PCBP3: variants seen among roughly 807,000 people sequenced by gnomAD.
PCBP3 encodes the protein poly(rC) binding protein 3.
In PCBP3, 25 loss-of-function variants were observed where a neutral mutation model predicts 52.7. The ratio of observed to expected loss-of-function variants is 0.47; its 90% CI spans 0.35 to 0.66. The LOEUF (loss-of-function observed/expected upper bound fraction) is 0.66. Ranked by LOEUF, PCBP3 falls within the 30% of genes least tolerant of loss-of-function variation. The pLI, the probability that PCBP3 is intolerant of heterozygous loss-of-function variation, is 0.01. For synonymous variants in PCBP3, 162 were observed against 183.0 expected (o/e 0.89, Z 0.93); for missense variants, 391 against 490.3 (o/e 0.80, Z 1.91).
intron 2 of PCBP3, among the ~76,000 whole-genome samples, chr21:45,706,536 TCTCCCTCTGTATAG>T (rs1312040326): frequency 6.6e-6 from 1 of 152,034 alleles, no homozygotes; most frequent in East Asian, 1.9e-4. Context: ...TATTTCTCTC[TCTCCCTCTGTATAG>T]CTCCCTCCCC....
At chr21:45,765,985 T>C (rs1444779937) in intron 4 of PCBP3, among the ~76,000 whole-genome samples, 2 of 152,174 alleles carry the variant, frequency 1.3e-5, no homozygotes, top group Non-Finnish European at 1.5e-5. Context: ...TGGTCAGTGA[T>C]GTTGGATGTG....
intron 5 of PCBP3, among the ~76,000 whole-genome samples, chr21:45,894,348 C>T (rs971817064): frequency 2.6e-5 from 4 of 152,112 alleles, no homozygotes; most frequent in African/African-American, 9.7e-5. Context: ...CCCTGCTGTC[C>T]CTCTGATGGG....
rs2093621263 is a variant in PCBP3, at chr21:45,837,728, G to A, written c.-125-12233G>A. Among the ~76,000 whole-genome samples, 1 of 152,164 alleles carries A rather than the reference G, an allele frequency of 6.6e-6. No homozygotes were observed. Among genetic ancestry groups the A allele is most frequent in the Admixed American group, 6.5e-5 (1 of 15,282 alleles). ...CCTGTGAGGCGAGCGAGCTTCCTAG[G>A]TGGCACTGCACGTTGCACCGCATGG... On this transcript the variant is annotated intron_variant, in intron 4 of 17. Coordinates refer to ENST00000681687, the MANE Select transcript of PCBP3 (RefSeq NM_001384156.1). The surrounding 1 kb of genome is among the most constrained non-coding windows in gnomAD (Gnocchi z 4.1).
Position 45,761,076 on chromosome 21 carries a change from CA to C in PCBP3, c.-126+5639del, listed in dbSNP as rs774039072. ...CACTCCAGAGAGCGAGACTCCATCT[CA>C]AAAAAAAAAAAAAAGTTCCGTGGGA... is the stretch of plus-strand genomic sequence containing the variant. On this transcript the variant is annotated intron_variant, in intron 4 of 17. Transcript: ENST00000681687. 823 of 128,868 alleles carry C rather than the reference CA, an allele frequency of 6.4e-3. 2 individuals carry two copies. The highest frequency in any genetic ancestry group is 0.014 in the African/African-American group (503 of 34,988). 8.0% of individuals were successfully genotyped at this position (128,868 alleles called of 1,614,324 possible). A position where few individuals can be genotyped will look rare whatever the true frequency, so the allele number is the denominator to read the frequency against.
chr21:45,825,958 T>C (rs763545665), intron 4 of PCBP3, among the ~76,000 whole-genome samples: 129 of 152,232 alleles, frequency 8.5e-4, no homozygotes, highest in African/African-American at 2.4e-3. Context: ...GAAAAAAATA[T>C]ATAACTAAAG....
intron 1 of PCBP3, among the ~76,000 whole-genome samples, chr21:45,644,608 C>T (rs2079137305): frequency 6.6e-6 from 1 of 152,084 alleles, no homozygotes; most frequent in African/African-American, 2.4e-5. Flanking sequence ...AAAGTCGGGT[C>T]CTAAATCTCG....
Position 45,829,567 on chromosome 21 carries a change from A to T in PCBP3, c.-125-20394A>T, listed in dbSNP as rs1005489769. ...CGGTACCAGGACGGTTCTTTTAGAC[A>T]CTCGTAAGAAGCCAAGCCACAGGAA... On this transcript the variant is annotated intron_variant, in intron 4 of 17. Coordinates refer to ENST00000681687, the MANE Select transcript of PCBP3 (RefSeq NM_001384156.1). The surrounding 1 kb of genome is among the most constrained non-coding windows in gnomAD (Gnocchi z 5.2). The T allele has an allele frequency of 1.1e-4, 17 of 152,052 alleles. No individual in the cohort carries two copies. The highest frequency in any genetic ancestry group is 3.3e-4 in the Admixed American group (5 of 15,270). 9.4% of individuals were successfully genotyped at this position (152,052 alleles called of 1,614,324 possible). A position where few individuals can be genotyped will look rare whatever the true frequency, so the allele number is the denominator to read the frequency against.
intron 2 of PCBP3, among the ~76,000 whole-genome samples, chr21:45,675,716 G>A (rs1333807677): frequency 6.6e-6 from 1 of 151,992 alleles, no homozygotes; most frequent in African/African-American, 2.4e-5. Context: ...AAACCTTTCA[G>A]GGGGCTCATA....
chr21:45,709,683 T>A (rs945644282), intron 2 of PCBP3, among the ~76,000 whole-genome samples: 1 of 152,188 alleles, frequency 6.6e-6, no homozygotes, highest in African/African-American at 2.4e-5. Flanking sequence ...ACATCTTACA[T>A]CAGTAAGGGA....
chr21:45,902,875 C>T (rs1029217874), intron 9 of PCBP3, among the ~76,000 whole-genome samples: 1 of 152,242 alleles, frequency 6.6e-6, no homozygotes, highest in East Asian at 1.9e-4. Context: ...GGCGGTGTCC[C>T]GAATAACTTC....
chr21:45,896,922 GAAAGGCGGA>G (rs2095848468), intron 6 of PCBP3, among the ~76,000 whole-genome samples: 3 of 120,584 alleles, frequency 2.5e-5, no homozygotes, highest in Non-Finnish European at 5.2e-5. Context: ...GTCTCTGTAG[GAAAGGCGGA>G]CATGGCACAT....
intron 4 of PCBP3, among the ~76,000 whole-genome samples, chr21:45,824,844 A>G (rs2839012): frequency 0.37 from 56,144 of 152,200 alleles, 11,905 homozygotes; most frequent in East Asian, 0.67. Context: ...GGCTGCAGGA[A>G]AGCTGGCAGG....
At chr21:45,663,214 C>A (rs899050423) in intron 1 of PCBP3, among the ~76,000 whole-genome samples, 5 of 152,192 alleles carry the variant, frequency 3.3e-5, no homozygotes, top group Admixed American at 1.3e-4. Context: ...GAAGGGCCCC[C>A]TGTCCAGTGA....
chr21:45,912,379 C>T (rs995838373), intron 11 of PCBP3, among the ~76,000 whole-genome samples: 4 of 152,160 alleles, frequency 2.6e-5, no homozygotes, highest in Admixed American at 6.5e-5. Context: ...CAGCTGGGTC[C>T]GCCCTCAGAT....
chr21:45,765,620 G>A (rs578128451), intron 4 of PCBP3, among the ~76,000 whole-genome samples: 14 of 152,304 alleles, frequency 9.2e-5, no homozygotes, highest in African/African-American at 2.9e-4. Context: ...GTTTGCCAGC[G>A]CGGCTCTTCC....
Position 45,880,941 on chromosome 21 carries a change from G to A in PCBP3, c.11-15267G>A, listed in dbSNP as rs556313198. Among the ~76,000 whole-genome samples the A allele has an allele frequency of 1.7e-4, 26 of 152,280 alleles. 1 individual carries two copies. Among genetic ancestry groups the A allele is most frequent in the African/African-American group, 5.1e-4 (21 of 41,566 alleles). On this transcript the variant is annotated intron_variant, in intron 5 of 17. Coordinates refer to ENST00000681687, the MANE Select transcript of PCBP3 (RefSeq NM_001384156.1). This position sits in a 1 kb window ranked among gnomAD's most constrained non-coding sequence, Gnocchi z 5.4. ...GGAAGGTACCCAGGGGCTTCAGCAC[G>A]GGGTGAGTCCAAGCTTAGAAGCTCA...
rs369788817 is a variant in PCBP3 at position 45,810,078 on chromosome 21, A to T, written c.-125-39883A>T. On this transcript the variant is annotated intron_variant, in intron 4 of 17. Coordinates refer to ENST00000681687, the MANE Select transcript of PCBP3 (RefSeq NM_001384156.1). The stretch of plus-strand genomic sequence containing the variant: ...TTTATGCACAGTATTGAATTTTGTC[A>T]AATGCATTTTTCTGCATCTATTGAA... Among the ~76,000 whole-genome samples the T allele has an allele frequency of 9.2e-5, 14 of 152,344 alleles. No individual in the cohort carries two copies. The South Asian group carries it at 1.7e-3, about 18-fold the overall frequency.
At chr21:45,878,584 C>T (rs562167761) in intron 5 of PCBP3, among the ~76,000 whole-genome samples, 4 of 152,344 alleles carry the variant, frequency 2.6e-5, no homozygotes, top group African/African-American at 9.6e-5. Flanking sequence ...CACTGGGTGG[C>T]ACACACGTGG....
At chr21:45,822,930 C>T (rs537196654) in intron 4 of PCBP3, among the ~76,000 whole-genome samples, 1 of 152,218 alleles carries the variant, frequency 6.6e-6, no homozygotes, top group South Asian at 2.1e-4. Context: ...CCACTGTCAC[C>T]CCATGGTATC....
Sources: allele counts gnomAD v4.1 joint callset (sites outside exome capture counted in the v4.1 genomes callset), GRCh38; gene constraint gnomAD v4.1.1; non-coding constraint Gnocchi (gnomAD v3.1); transcripts MANE v1.5; gene names NCBI Gene and HGNC (gene_info 2026-07-23, HGNC 2026-07-21).